The following PTPRM variants were observed in gnomAD, a reference collection of about 807,000 sequenced individuals.
PTPRM encodes the protein protein tyrosine phosphatase receptor type M.
A neutral mutation model predicts 186.7 loss-of-function variants in PTPRM; 47 were observed. The observed-to-expected ratio is 0.25, with a 90% CI of 0.20 to 0.32. PTPRM has a LOEUF of 0.32. PTPRM is among the 10% of genes least tolerant of loss of function. The pLI is 1.00. For synonymous variants in PTPRM, 668 were observed against 674.9 expected, an observed-to-expected ratio of 0.99 and a Z score of 0.16; for missense variants, 1,494 against 1,865.0, an observed-to-expected ratio of 0.80 and a Z score of 3.66.
chr18:8,190,152 A>C (rs1010602278), intron 14 of PTPRM, among the ~76,000 whole-genome samples: 4 of 152,186 alleles, frequency 2.6e-5, no homozygotes, highest in African/African-American at 9.7e-5. Context: ...TACCCTCAGC[A>C]ATTTTCAAAT....
intron 22 of PTPRM, among the ~76,000 whole-genome samples, chr18:8,323,750 GC>G (rs2095359558): frequency 6.6e-6 from 1 of 152,072 alleles, no homozygotes; most frequent in African/African-American, 2.4e-5. Context: ...AAGCCCCCAT[GC>G]CCACGTGAGA....
chr18:8,172,560 T>C lies in PTPRM; in HGVS notation c.2300+28781T>C, dbSNP rs1268176082. Among the ~76,000 whole-genome samples, 7 of 152,246 alleles carry C rather than the reference T, an allele frequency of 4.6e-5. No individual in the cohort carries two copies. The East Asian group carries it at 1.2e-3, about 25-fold the overall frequency. ...TCAGAATGCAGGATGGAGGAATCTA[T>C]ACAAGTTCCCCCAGTGATAGGGATC... On this transcript the variant is annotated intron_variant, in intron 14 of 32. Coordinates refer to ENST00000580170, the MANE Select transcript of PTPRM (RefSeq NM_001105244.2).
chr18:8,281,389 T>G (rs1370881146), intron 19 of PTPRM, among the ~76,000 whole-genome samples: 1 of 152,190 alleles, frequency 6.6e-6, no homozygotes, highest in Non-Finnish European at 1.5e-5. Flanking sequence ...AGCAGGATGC[T>G]TGTTGCGGGG....
chr18:7,582,942 A>G (rs766562997), intron 1 of PTPRM, among the ~76,000 whole-genome samples: 5 of 152,180 alleles, frequency 3.3e-5, no homozygotes, highest in Non-Finnish European at 7.4e-5. Context: ...CTATTTCCTC[A>G]CTGTGAGAAT....
intron 29 of PTPRM, among the ~76,000 whole-genome samples, chr18:8,380,651 G>A (rs976488136): frequency 1.2e-4 from 19 of 152,232 alleles, no homozygotes; most frequent in African/African-American, 4.6e-4. Context: ...ATAGATGGTT[G>A]AGGTGACAGG....
At chr18:8,206,268 A>ATTTTATTTTTTTTTTTTATTTTTTT (rs1238112461) in intron 14 of PTPRM, among the ~76,000 whole-genome samples, 1 of 148,988 alleles carries the variant, frequency 6.7e-6, no homozygotes, top group African/African-American at 2.6e-5. Context: ...ATTTTATTTT[A>ATTTTATTTTTTTTTTTTATTTTTTT]TTTTGAGACG....
At chr18:7,773,201 A>G (rs957879632) in intron 1 of PTPRM, among the ~76,000 whole-genome samples, 9 of 152,098 alleles carry the variant, frequency 5.9e-5, no homozygotes, top group Admixed American at 3.3e-4. Context: ...TTCCCTTTAA[A>G]ACTTGTGTGG....
At chr18:8,066,280 A>C (rs1403154424) in intron 7 of PTPRM, among the ~76,000 whole-genome samples, 5 of 152,190 alleles carry the variant, frequency 3.3e-5, no homozygotes, top group Non-Finnish European at 5.9e-5. Context: ...ACTATCATTA[A>C]AGAAGGCTGC....
At chr18:7,978,121 C>T (rs2055080726) in intron 7 of PTPRM, among the ~76,000 whole-genome samples, 1 of 152,194 alleles carries the variant, frequency 6.6e-6, no homozygotes, top group Admixed American at 6.5e-5. Context: ...CTTTTAGCCT[C>T]ACTACAAAGC....
At chr18:8,327,452 G>A (rs1435422589) in intron 22 of PTPRM, among the ~76,000 whole-genome samples, 3 of 152,176 alleles carry the variant, frequency 2.0e-5, no homozygotes, top group Admixed American at 6.5e-5. Flanking sequence ...AGAAGGGGTC[G>A]GAGAGTTTAT....
Position 8,244,272 on chromosome 18 carries a change from A to T in PTPRM, c.2452+63A>T, listed in dbSNP as rs564425223. 106 of 1,343,628 alleles carry T rather than the reference A, an allele frequency of 7.9e-5. 1 individual carries two copies. The South Asian group carries it at 1.8e-3, about 22-fold the overall frequency. 83.2% of individuals were successfully genotyped at this position (1,343,628 alleles called of 1,614,324 possible). On this transcript the variant is annotated intron_variant, in intron 15 of 32. Transcript: ENST00000580170. ...TTGGTTTTGCAAGATTCCAGGTGGT[A>T]CTAGGGGATTTCAAAAAAAAAAAAA...
chr18:7,842,835 T>TAGAG, intron 2 of PTPRM, among the ~76,000 whole-genome samples: 1 of 78,824 alleles, frequency 1.3e-5, no homozygotes, highest in East Asian at 9.2e-4. Flanking sequence ...TATGTATATA[T>TAGAG]ATATATAGAG....
chr18:7,982,645 A>G (rs2082620887), intron 7 of PTPRM, among the ~76,000 whole-genome samples: 1 of 151,994 alleles, frequency 6.6e-6, no homozygotes, highest in Non-Finnish European at 1.5e-5. Flanking sequence ...ACTGTACATG[A>G]TTGTATGTGC....
chr18:7,976,069 T>C (rs1035134480), intron 7 of PTPRM, among the ~76,000 whole-genome samples: 1 of 152,130 alleles, frequency 6.6e-6, no homozygotes, highest in African/African-American at 2.4e-5. Context: ...CTCAGGAGGC[T>C]GAGGCAGGAA....
At chr18:7,709,702 A>T (rs991516377) in intron 1 of PTPRM, among the ~76,000 whole-genome samples, 2 of 152,196 alleles carry the variant, frequency 1.3e-5, no homozygotes, top group Non-Finnish European at 2.9e-5. Context: ...AAGCTCAATT[A>T]GAAAGGAAAC....
intron 1 of PTPRM, among the ~76,000 whole-genome samples, chr18:7,642,541 A>G (rs2038468225): frequency 6.6e-6 from 1 of 152,198 alleles, no homozygotes; most frequent in Non-Finnish European, 1.5e-5. Context: ...AACTTAAATC[A>G]TCTGGGGAAT....
intron 7 of PTPRM, among the ~76,000 whole-genome samples, chr18:7,960,364 T>G (rs960349595): frequency 1.3e-5 from 2 of 151,530 alleles, no homozygotes; most frequent in African/African-American, 4.9e-5. Flanking sequence ...CGGGCACTAT[T>G]CCAAGCCCTG....
intron 1 of PTPRM, among the ~76,000 whole-genome samples, chr18:7,605,760 T>G (rs2037516702): frequency 6.6e-6 from 1 of 152,156 alleles, no homozygotes; most frequent in Non-Finnish European, 1.5e-5. Context: ...TCTGAGGCTG[T>G]GGTAGTGATT....
At chr18:7,664,320 T>A (rs998331111) in intron 1 of PTPRM, among the ~76,000 whole-genome samples, 5 of 152,120 alleles carry the variant, frequency 3.3e-5, no homozygotes, top group African/African-American at 1.2e-4. Flanking sequence ...GAGCTAAGGA[T>A]CCAGGTCCAC....
Sources: allele counts gnomAD v4.1 joint callset (sites outside exome capture counted in the v4.1 genomes callset), GRCh38; gene constraint gnomAD v4.1.1; transcripts MANE v1.5; gene names NCBI Gene and HGNC (gene_info 2026-07-23, HGNC 2026-07-21).